Variants in JPH1 observed in about 807,000 individuals in gnomAD.
JPH1 encodes junctophilin 1.
A neutral mutation model predicts 53.6 loss-of-function variants in JPH1; 12 were observed. The observed-to-expected ratio is 0.22, with a 90% CI of 0.14 to 0.36. The LOEUF is 0.36. Ranked by LOEUF, JPH1 falls within the 10% of genes least tolerant of loss-of-function variation. The pLI, the probability that JPH1 is intolerant of heterozygous loss-of-function variation, is 1.00. For synonymous variants in JPH1, 375 were observed against 363.8 expected (o/e 1.03, Z -0.35); for missense variants, 808 against 905.5 (o/e 0.89, Z 1.38).
At chr8:74,280,015 G>A (rs1359113551) in intron 2 of JPH1, among the ~76,000 whole-genome samples, 3 of 152,074 alleles carry the variant, frequency 2.0e-5, no homozygotes, top group African/African-American at 7.2e-5. Context: ...AATAAGCATA[G>A]AGGTATCAGA....
At chr8:74,314,377 A>G (rs540685365) in intron 2 of JPH1, among the ~76,000 whole-genome samples, 3 of 152,368 alleles carry the variant, frequency 2.0e-5, no homozygotes, top group African/African-American at 7.2e-5. Context: ...TCTGAATTGT[A>G]TAAGCTAGGC....
intron 2 of JPH1, among the ~76,000 whole-genome samples, chr8:74,280,828 G>A (rs1222021456): frequency 3.3e-5 from 5 of 152,066 alleles, no homozygotes; most frequent in African/African-American, 9.7e-5. Flanking sequence ...TTGCAATTAC[G>A]GAGCATCTAT....
At chr8:74,284,652 A>G (rs1807108045) in intron 2 of JPH1, among the ~76,000 whole-genome samples, 1 of 152,184 alleles carries the variant, frequency 6.6e-6, no homozygotes, top group African/African-American at 2.4e-5. Flanking sequence ...TTACCTGGCA[A>G]AAGAATTCTC....
intron 2 of JPH1, among the ~76,000 whole-genome samples, chr8:74,270,639 A>T (rs1806671614): frequency 6.6e-6 from 1 of 152,220 alleles, no homozygotes; most frequent in African/African-American, 2.4e-5. Context: ...ATTTTCCTTC[A>T]TTAAAAATGG....
At chr8:74,266,694 T>G (rs1806542244) in intron 2 of JPH1, among the ~76,000 whole-genome samples, 1 of 152,312 alleles carries the variant, frequency 6.6e-6, no homozygotes, top group Non-Finnish European at 1.5e-5. Context: ...GTTATACATA[T>G]TTTACAAACC....
chr8:74,282,462 T>C (rs191118960), intron 2 of JPH1, among the ~76,000 whole-genome samples: 6 of 152,344 alleles, frequency 3.9e-5, no homozygotes, highest in Admixed American at 2.0e-4. Context: ...GTCACGAATA[T>C]GCATGCTGAG....
At chr8:74,312,099 G>A (rs188034248) in intron 2 of JPH1, among the ~76,000 whole-genome samples, 18 of 152,280 alleles carry the variant, frequency 1.2e-4, no homozygotes, top group Admixed American at 1.1e-3. Flanking sequence ...TAATAGCAAG[G>A]AATCTGGGAA....
chr8:74,266,651 A>G (rs1476797356), intron 2 of JPH1, among the ~76,000 whole-genome samples: 1 of 152,238 alleles, frequency 6.6e-6, no homozygotes. Flanking sequence ...ATTGAAATGT[A>G]TATACTTAAA....
intron 2 of JPH1, among the ~76,000 whole-genome samples, chr8:74,283,228 T>C (rs1358432013): frequency 6.6e-6 from 1 of 151,984 alleles, no homozygotes; most frequent in Non-Finnish European, 1.5e-5. Flanking sequence ...TTAAAATGCA[T>C]GTAAAATATA....
intron 2 of JPH1, among the ~76,000 whole-genome samples, chr8:74,260,520 G>C (rs1465625556): frequency 6.6e-6 from 1 of 152,182 alleles, no homozygotes; most frequent in East Asian, 1.9e-4. Flanking sequence ...TATTTTATTA[G>C]CACTAGGCAG....
intron 1 of JPH1, among the ~76,000 whole-genome samples, chr8:74,316,628 A>C (rs187109313): frequency 1.3e-5 from 2 of 152,348 alleles, no homozygotes. Context: ...TTTGGACTTC[A>C]TCTCAGAGGA....
At chr8:74,249,275 A>C (rs1382338292) in intron 3 of JPH1, among the ~76,000 whole-genome samples, 1 of 152,262 alleles carries the variant, frequency 6.6e-6, no homozygotes, top group Non-Finnish European at 1.5e-5. Context: ...TTGTAGCAAC[A>C]GCAGTAGTCA....
Position 74,299,275 on chromosome 8 carries a change from C to A in JPH1, c.1139+15586G>T, listed in dbSNP as rs546023697. Among the ~76,000 whole-genome samples the A allele has an allele frequency of 9.8e-5, 15 of 152,326 alleles. No individual in the cohort carries two copies. In the East Asian group the frequency reaches 2.9e-3, roughly 29 times the overall value. Reference sequence around the variant, plus strand: ...TATTCACCTCGTCTTTCTAATATTTCTCCCTTTTTCTCATTATTCAGTATT... The same window carrying A: ...TATTCACCTCGTCTTTCTAATATTTATCCCTTTTTCTCATTATTCAGTATT... On this transcript the variant is annotated intron_variant, in intron 2 of 5. Coordinates refer to ENST00000342232, the MANE Select transcript of JPH1 (RefSeq NM_020647.4).
intron 2 of JPH1, among the ~76,000 whole-genome samples, chr8:74,265,228 G>A (rs555863956): frequency 2.6e-4 from 40 of 152,160 alleles, no homozygotes; most frequent in Non-Finnish European, 4.4e-4. Flanking sequence ...GGGGACATAT[G>A]TAATAATTTG....
At chr8:74,250,719 G>T (rs1806021172) in intron 3 of JPH1, among the ~76,000 whole-genome samples, 2 of 152,196 alleles carry the variant, frequency 1.3e-5, no homozygotes, top group African/African-American at 4.8e-5. Flanking sequence ...GAAGCCAAAA[G>T]ATTGGACACC....
intron 3 of JPH1, 74 bp from the exon 4 acceptor site, chr8:74,245,249 C>A (rs1805824922): frequency 1.6e-6 from 2 of 1,277,980 alleles, no homozygotes; most frequent in Non-Finnish European, 2.1e-6. Context: ...ATCAGATTAA[C>A]CTTTTCTCTT....
Position 74,235,608 on chromosome 8 carries a change from T to A in JPH1, c.*1443A>T, listed in dbSNP as rs909583417. The A allele has an allele frequency of 1.3e-5, 2 of 152,654 alleles. No individual in the cohort carries two copies. Among genetic ancestry groups the A allele is most frequent in the African/African-American group, 4.8e-5 (2 of 41,466 alleles). The allele number at this position is 152,654 out of a possible 1,614,324, so 9.5% of individuals were successfully genotyped here. ...AAAGATTTAATAGATTAGATAGATA[T>A]CTTTCTTCCCCTGATTTCTTTTTAA... On this transcript the variant is annotated 3_prime_UTR_variant, in exon 6 of 6. Coordinates refer to ENST00000342232, the MANE Select transcript of JPH1 (RefSeq NM_020647.4).
At chr8:74,280,520 G>A (rs1384277793) in intron 2 of JPH1, among the ~76,000 whole-genome samples, 9 of 152,044 alleles carry the variant, frequency 5.9e-5, no homozygotes, top group Admixed American at 5.2e-4. Flanking sequence ...TTTCTTATTA[G>A]TGATGAAATG....
chr8:74,308,105 C>CA (rs1807890417), intron 2 of JPH1, among the ~76,000 whole-genome samples: 1 of 152,066 alleles, frequency 6.6e-6, no homozygotes, highest in African/African-American at 2.4e-5. Context: ...AAAAACTTTC[C>CA]AAAAAAATTA....
Sources: gnomAD v4.1 joint callset for allele counts (sites outside exome capture counted in the v4.1 genomes callset) on GRCh38, gnomAD v4.1.1 for gene constraint, MANE v1.5 for transcripts, NCBI Gene and HGNC (gene_info 2026-07-23, HGNC 2026-07-21) for gene names.